Variants in SPATA31H1 observed in about 807,000 individuals in gnomAD.
The protein encoded by SPATA31H1 is spermatogenesis-associated protein 31H1.
At chr2:27,560,275 T>C in the SPATA31H1 span, among the ~76,000 whole-genome samples, 3 of 152,306 alleles carry the variant, frequency 2.0e-5, no homozygotes, top group South Asian at 4.1e-4. Flanking sequence ...TATTTTTTAA[T>C]AGTTAACACT....
chr2:27,538,289 A>G, the SPATA31H1 span, among the ~76,000 whole-genome samples: 2 of 151,230 alleles, frequency 1.3e-5, no homozygotes, highest in Non-Finnish European at 2.9e-5. Context: ...TAACATGCAT[A>G]TGAATCACCT....
the SPATA31H1 span, among the ~76,000 whole-genome samples, chr2:27,553,989 A>G: frequency 6.6e-6 from 1 of 152,060 alleles, no homozygotes; most frequent in Non-Finnish European, 1.5e-5. Flanking sequence ...TCTACTTTCC[A>G]TAGAACACTA....
chr2:27,574,343 G>C, the SPATA31H1 span: 1 of 398,384 alleles, frequency 2.5e-6, no homozygotes, highest in Non-Finnish European at 4.4e-6. Flanking sequence ...TTCAGGGTGT[G>C]AAATCGGTAG....
At chr2:27,570,605 AG>A in the SPATA31H1 span, 1 of 398,954 alleles carries the variant, frequency 2.5e-6, no homozygotes, top group Non-Finnish European at 4.4e-6. Flanking sequence ...GTTTTGATTT[AG>A]TACCAGGAAC....
the SPATA31H1 span, among the ~76,000 whole-genome samples, chr2:27,548,403 T>C: frequency 6.6e-6 from 1 of 151,014 alleles, no homozygotes; most frequent in African/African-American, 2.4e-5. Context: ...AGCTCAGGAG[T>C]TGGAGATCAG....
the SPATA31H1 span, among the ~76,000 whole-genome samples, chr2:27,545,625 A>C: frequency 6.8e-6 from 1 of 146,240 alleles, no homozygotes; most frequent in African/African-American, 2.6e-5. Flanking sequence ...TCCCAGCCTG[A>C]AATGCAGTGA....
chr2:27,578,722 T>C, the SPATA31H1 span: 5 of 1,614,178 alleles, frequency 3.1e-6, no homozygotes, highest in South Asian at 3.3e-5. Context: ...TGTCAGAAGT[T>C]AACATCAGAA....
the SPATA31H1 span, among the ~76,000 whole-genome samples, chr2:27,552,131 C>T: frequency 6.6e-6 from 1 of 152,028 alleles, no homozygotes; most frequent in Non-Finnish European, 1.5e-5. Flanking sequence ...AGCTTTTGAA[C>T]AAACAGCTGG....
At chr2:27,576,104 G>A in the SPATA31H1 span, 1 of 400,426 alleles carries the variant, frequency 2.5e-6, no homozygotes, top group Non-Finnish European at 4.4e-6. Flanking sequence ...TGAATCCAGG[G>A]CTAAAATTGC....
At chr2:27,553,192 T>C in the SPATA31H1 span, among the ~76,000 whole-genome samples, 1 of 152,122 alleles carries the variant, frequency 6.6e-6, no homozygotes, top group African/African-American at 2.4e-5. Context: ...ATGGTCCCTC[T>C]TTTTGAAACT....
the SPATA31H1 span, chr2:27,566,899 C>T: frequency 5.4e-5 from 39 of 717,530 alleles, 1 homozygote; most frequent in Admixed American, 5.6e-4. Flanking sequence ...TGCAATGACT[C>T]CAGTCTGTCT....
chr2:27,556,715 AT>A, the SPATA31H1 span, among the ~76,000 whole-genome samples: 47 of 122,722 alleles, frequency 3.8e-4, no homozygotes, highest in Admixed American at 8.8e-4. Flanking sequence ...TAATTAATTT[AT>A]TTTTTTTTTA....
chr2:27,578,533 G>A, the SPATA31H1 span: 4 of 1,613,892 alleles, frequency 2.5e-6, no homozygotes, highest in Non-Finnish European at 3.4e-6. Context: ...CCAAGTCCAT[G>A]TACTCAAGTG....
chr2:27,562,026 T>C, the SPATA31H1 span, among the ~76,000 whole-genome samples: 4 of 152,216 alleles, frequency 2.6e-5, no homozygotes, highest in African/African-American at 7.2e-5. Context: ...TAAACAATCA[T>C]TTTCCCATTG....
At chr2:27,563,290 CTT>C in the SPATA31H1 span, among the ~76,000 whole-genome samples, 8 of 142,174 alleles carry the variant, frequency 5.6e-5, no homozygotes, top group Non-Finnish European at 1.1e-4. Flanking sequence ...GTTTTGGTAT[CTT>C]ATATTTTTTC....
the SPATA31H1 span, chr2:27,576,229 G>T: frequency 2.0e-5 from 8 of 407,866 alleles, no homozygotes; most frequent in Non-Finnish European, 3.0e-5. Context: ...GAGCTTCAAG[G>T]TATAAAATCT....
chr2:27,562,741 GCTGGGC>G, the SPATA31H1 span, among the ~76,000 whole-genome samples: 1 of 151,792 alleles, frequency 6.6e-6, no homozygotes, highest in East Asian at 1.9e-4. Context: ...ATAAAAATTA[GCTGGGC>G]CTGGTGGTGC....
the SPATA31H1 span, chr2:27,580,638 A>G: frequency 1.5e-5 from 24 of 1,614,090 alleles, no homozygotes; most frequent in Non-Finnish European, 1.9e-5. Flanking sequence ...GCTTTTTCAG[A>G]GCCTAAAGCG....
the SPATA31H1 span, chr2:27,570,129 C>T: frequency 2.5e-6 from 1 of 398,792 alleles, no homozygotes; most frequent in Non-Finnish European, 4.4e-6. Context: ...TGATTTGATC[C>T]CAGAGCCAAA....
Sources: gnomAD v4.1 joint callset for allele counts (sites outside exome capture counted in the v4.1 genomes callset) on GRCh38, gnomAD v4.1.1 for gene constraint, MANE v1.5 for transcripts, NCBI Gene and HGNC (gene_info 2026-07-23, HGNC 2026-07-21) for gene names.